Variants in C8orf88 observed in about 807,000 individuals in gnomAD.
C8orf88 encodes the protein uncharacterized protein C8orf88.
C8orf88 carries 14 observed loss-of-function variants against 18.4 expected under a neutral mutation model. That is an observed-to-expected ratio of 0.76 (90% CI 0.50 to 1.19). C8orf88 has a LOEUF of 1.19. Among genes scored for constraint, C8orf88 ranks in the 50% most tolerant of loss-of-function variants. C8orf88 has a pLI of 0.00. For synonymous variants in C8orf88, 45 were observed against 42.9 expected (o/e 1.05, Z -0.19); for missense variants, 116 against 134.7 (o/e 0.86, Z 0.69).
chr8:90,978,724 T>G (rs1158457974), intron 2 of C8orf88, 72 bp from the exon 3 acceptor site: 1 of 863,838 alleles, frequency 1.2e-6, no homozygotes, highest in Non-Finnish European at 1.7e-6. Flanking sequence ...CTAAAAAGCT[T>G]AAGTATCCAA....
rs559500724 is a variant in C8orf88 at position 90,966,530 on chromosome 8, CACCA to C, written c.223+4532_223+4535del. Among the ~76,000 whole-genome samples, 257 of 142,628 alleles carry C rather than the reference CACCA, an allele frequency of 1.8e-3. 1 individual carries two copies. The highest frequency in any genetic ancestry group is 6.2e-3 in the African/African-American group (245 of 39,492). 93.6% of individuals were successfully genotyped at this position (142,628 alleles called of 152,430 possible). ...ATAATAATAATAATAATAAAGAATTCACCAACCAAGTCTCTGCTGTCTTTAGGCG... is the reference window on the plus strand; with the variant it reads ...ATAATAATAATAATAATAAAGAATTCACCAAGTCTCTGCTGTCTTTAGGCG... On this transcript the variant is annotated intron_variant, in intron 4 of 5. Transcript: ENST00000517562.
At chr8:90,973,581 C>CAA (rs1286073858) in intron 3 of C8orf88, among the ~76,000 whole-genome samples, 1 of 152,138 alleles carries the variant, frequency 6.6e-6, no homozygotes, top group Non-Finnish European at 1.5e-5. Flanking sequence ...CTCCTGAACT[C>CAA]AAGTCATCCT....
chr8:90,984,905 T>A (rs1204059498), intron 1 of C8orf88, among the ~76,000 whole-genome samples: 1 of 152,010 alleles, frequency 6.6e-6, no homozygotes, highest in East Asian at 1.9e-4. Flanking sequence ...TTTCCCCTCA[T>A]CCGACGCTCT....
chr8:90,959,144 G>T, intron 5 of C8orf88, 114 bp from the exon 6 acceptor site: 1 of 496,360 alleles, frequency 2.0e-6, no homozygotes, highest in Non-Finnish European at 3.5e-6. Flanking sequence ...TTAAATGCAT[G>T]TTACCATAGA....
chr8:90,981,927 T>TATTGG (rs1376433648), intron 1 of C8orf88, among the ~76,000 whole-genome samples: 1 of 152,160 alleles, frequency 6.6e-6, no homozygotes, highest in East Asian at 1.9e-4. Flanking sequence ...TCTAAGTGCC[T>TATTGG]ATTTCACCAA....
intron 3 of C8orf88, among the ~76,000 whole-genome samples, chr8:90,971,887 T>C (rs1490341258): frequency 6.6e-6 from 1 of 151,990 alleles, no homozygotes; most frequent in Non-Finnish European, 1.5e-5. Flanking sequence ...GCTGTACCAA[T>C]AAGAGGAACC....
At chr8:90,982,844 T>G (rs951691695) in intron 1 of C8orf88, among the ~76,000 whole-genome samples, 2 of 152,098 alleles carry the variant, frequency 1.3e-5, no homozygotes, top group African/African-American at 4.8e-5. Context: ...GCATAGTACA[T>G]TCCACCATCA....
At position 90,958,919 on chromosome 8, in the gene C8orf88, T is replaced by C. The variant is rs1394037337; in HGVS notation, c.*88A>G. The C allele has an allele frequency of 2.7e-5, 20 of 731,652 alleles. No individual in the cohort carries two copies. In the South Asian group the frequency reaches 3.2e-4, roughly 12 times the overall value. 45.3% of individuals were successfully genotyped at this position (731,652 alleles called of 1,614,324 possible). A position where few individuals can be genotyped will look rare whatever the true frequency, so the allele number is the denominator to read the frequency against. ...GCCAACCATCAAAATTAAGAATAAA[T>C]TGAATTGTCACAGTCCATTACAGTT... is the stretch of plus-strand genomic sequence containing the variant. On this transcript the variant is annotated 3_prime_UTR_variant, in exon 6 of 6. Transcript: ENST00000517562.
chr8:90,973,895 A>T (rs1811314361), intron 3 of C8orf88, among the ~76,000 whole-genome samples: 1 of 152,184 alleles, frequency 6.6e-6, no homozygotes, highest in South Asian at 2.1e-4. Context: ...ATCACTCTCC[A>T]TTCCTAGAAT....
intron 5 of C8orf88, among the ~76,000 whole-genome samples, chr8:90,960,278 A>G (rs1811106603): frequency 6.6e-6 from 1 of 151,556 alleles, no homozygotes; most frequent in African/African-American, 2.4e-5. Flanking sequence ...GTTATAATGT[A>G]TAAAAAGACT....
chr8:90,967,249 C>T (rs1480710661), intron 4 of C8orf88, among the ~76,000 whole-genome samples: 1 of 151,814 alleles, frequency 6.6e-6, no homozygotes, highest in African/African-American at 2.4e-5. Flanking sequence ...CTCACCCTTG[C>T]ATTCTTGAGA....
rs151248888 is a variant in C8orf88, at chr8:90,972,733, A to G, written c.148-1592T>C. On this transcript the variant is annotated intron_variant, in intron 3 of 5. Transcript: ENST00000517562. ...ATCAGACCAGAAGAGTTTGGTGACC[A>G]AGCCAAAAGTACACAGATAAGAAAC... 3.4e-3 allele frequency among the ~76,000 whole-genome samples: 519 copies of G among 152,218 alleles called. 1 individual carries two copies. Among genetic ancestry groups the G allele is most frequent in the Non-Finnish European group, 6.4e-3 (438 of 67,992 alleles).
At position 90,978,519 on chromosome 8, in the gene C8orf88, C is replaced by G. The variant is rs1198186156; in HGVS notation, c.147+60G>C. 2.6e-5 allele frequency: 28 copies of G among 1,073,092 alleles called. No homozygotes were observed. The East Asian group carries it at 7.5e-4, about 29-fold the overall frequency. 66.5% of individuals were successfully genotyped at this position (1,073,092 alleles called of 1,614,324 possible). On this transcript the variant is annotated intron_variant, in intron 3 of 5. Transcript: ENST00000517562. ...ATAGTATCTGGCACACAATAGCCATCTAACACATGTTACTTTCCAATCTAT... is the reference window on the plus strand; with the variant it reads ...ATAGTATCTGGCACACAATAGCCATGTAACACATGTTACTTTCCAATCTAT...
At chr8:90,972,340 A>G (rs1811294674) in intron 3 of C8orf88, among the ~76,000 whole-genome samples, 1 of 152,022 alleles carries the variant, frequency 6.6e-6, no homozygotes, top group African/African-American at 2.4e-5. Context: ...AAAAATGGAA[A>G]ATGCCTAAGA....
At chr8:90,966,809 T>C (rs1373449969) in intron 4 of C8orf88, among the ~76,000 whole-genome samples, 2 of 151,856 alleles carry the variant, frequency 1.3e-5, no homozygotes, top group Admixed American at 6.6e-5. Flanking sequence ...CATTATAAGT[T>C]AAAAATAGCA....
At chr8:90,975,854 A>AACTAGAT (rs769235848) in intron 3 of C8orf88, among the ~76,000 whole-genome samples, 122 of 152,156 alleles carry the variant, frequency 8.0e-4, no homozygotes, top group Admixed American at 2.6e-3. Flanking sequence ...AATATCTAAA[A>AACTAGAT]ACTAGATACA....
chr8:90,985,026 G>A (rs1811484805), intron 1 of C8orf88, 88 bp downstream of exon 1: 1 of 150,636 alleles, frequency 6.6e-6, no homozygotes, highest in South Asian at 2.1e-4. Flanking sequence ...CCGGGGTCGG[G>A]CCTGGGAGAC....
chr8:90,971,054 A>G lies in C8orf88; in HGVS notation c.223+12T>C. ...TTCAATGATAAAATTGGGAATTATG[A>G]TAAAATTTTACCTTTCTTAACTGGA... On this transcript the variant is annotated intron_variant, in intron 4 of 5. Transcript: ENST00000517562. The G allele has an allele frequency of 6.8e-7, 1 of 1,479,406 alleles. No individual in the cohort carries two copies. The highest frequency in any genetic ancestry group is 2.5e-5 in the East Asian group (1 of 39,906). 91.6% of individuals were successfully genotyped at this position (1,479,406 alleles called of 1,614,324 possible). A position where few individuals can be genotyped will look rare whatever the true frequency, so the allele number is the denominator to read the frequency against.
intron 3 of C8orf88, among the ~76,000 whole-genome samples, chr8:90,972,079 A>G (rs1811291482): frequency 6.6e-6 from 1 of 152,032 alleles, no homozygotes; most frequent in Non-Finnish European, 1.5e-5. Context: ...GTTTCTTTGG[A>G]GACATCTATC....
Sources: allele counts gnomAD v4.1 joint callset (sites outside exome capture counted in the v4.1 genomes callset), GRCh38; gene constraint gnomAD v4.1.1; transcripts MANE v1.5; gene names NCBI Gene and HGNC (gene_info 2026-07-23, HGNC 2026-07-21).